The following ATP9A variants were observed in gnomAD, a reference collection of about 807,000 sequenced individuals.
ATP9A encodes probable phospholipid-transporting ATPase IIA.
ATP9A carries 52 observed loss-of-function variants against 144.1 expected under a neutral mutation model. The observed-to-expected ratio is 0.36, with a 90% CI of 0.29 to 0.45. The LOEUF (loss-of-function observed/expected upper bound fraction) is 0.45. ATP9A is among the 20% of genes least tolerant of loss of function. The pLI is 1.00. For synonymous variants in ATP9A, 582 were observed against 557.4 expected, an observed-to-expected ratio of 1.04 and a Z score of -0.62; for missense variants, 947 against 1,392.7, an observed-to-expected ratio of 0.68 and a Z score of 5.09.
intron 1 of ATP9A, chr20:51,735,131 G>A (rs2077758027): frequency 6.3e-6 from 1 of 157,696 alleles, no homozygotes; most frequent in African/African-American, 2.4e-5. Context: ...CCGTCTGCAT[G>A]GGGTTGGTAT....
At chr20:51,671,076 T>C in intron 12 of ATP9A, 39 bp downstream of exon 12, 1 of 1,599,488 alleles carries the variant, frequency 6.3e-7, no homozygotes, top group Non-Finnish European at 8.6e-7. Flanking sequence ...GCATCTTCTC[T>C]CACCAGGAAT....
rs2077575302 is a variant in ATP9A at position 51,697,435 on chromosome 20, T to C, written c.484A>G (p.Ile162Val). ...CAGATTCTGCTCACCTTTTCAACGA[T>C]GATAAGGTCTCCAACTTGGATGTTA... ...SSNIQVGDLI[I>V]VEKNQRVPAD... The change falls in exon 5 of 28, where the codon ATC (isoleucine) becomes GTC (valine). Residue 162 changes from isoleucine to valine, a missense_variant. Around this residue, in one of 2 missense-constraint regions of ATP9A, gnomAD observed 770 missense variants for 1,047.9 expected, o/e 0.73. Transcript: ENST00000338821. 1.2e-6 allele frequency: 2 copies of C among 1,613,438 alleles called. No individual in the cohort carries two copies. The highest frequency in any genetic ancestry group is 2.2e-5 in the East Asian group (1 of 44,880).
rs754086880 is a variant in ATP9A, at chr20:51,694,040, C to T, written c.610G>A (p.Val204Met). The T allele has an allele frequency of 2.2e-5, 35 of 1,613,854 alleles. No individual in the cohort carries two copies. Among genetic ancestry groups the T allele is most frequent in the African/African-American group, 2.7e-5 (2 of 74,930 alleles). The change falls in exon 7 of 28, where the codon GTG (valine) becomes ATG (methionine). Residue 204 changes from valine to methionine, a missense_variant. Around this residue, in one of 2 missense-constraint regions of ATP9A, gnomAD observed 770 missense variants for 1,047.9 expected, o/e 0.73. Coordinates refer to ENST00000338821, the MANE Select transcript of ATP9A (RefSeq NM_006045.3). ...GTGGGGAGCCTCTGCGTGCAGGCCA[C>T]GGGAAGCCGCAGCTTCCAGTCCGTC... ...GETDWKLRLP[V>M]ACTQRLPTAA...
chr20:51,656,529 G>C (rs113318552), intron 14 of ATP9A, among the ~76,000 whole-genome samples: 3,398 of 152,144 alleles, frequency 0.022, 135 homozygotes, highest in African/African-American at 0.077. Flanking sequence ...CTCCAGCCTG[G>C]GCAAAAGAGT....
intron 8 of ATP9A, among the ~76,000 whole-genome samples, chr20:51,690,139 G>C (rs80125197): frequency 1.3e-5 from 1 of 79,222 alleles, no homozygotes; most frequent in Non-Finnish European, 2.6e-5. Flanking sequence ...AAAAAAAAAA[G>C]GCCAGGCTCA....
chr20:51,704,501 C>T (rs747931185), intron 4 of ATP9A, among the ~76,000 whole-genome samples: 77 of 152,118 alleles, frequency 5.1e-4, no homozygotes, highest in Non-Finnish European at 7.4e-4. Context: ...TATATCTGGG[C>T]GGGGCACAGT....
intron 3 of ATP9A, among the ~76,000 whole-genome samples, chr20:51,724,955 G>A (rs1420066641): frequency 6.6e-6 from 1 of 152,212 alleles, no homozygotes; most frequent in East Asian, 1.9e-4. Context: ...AAGTGTTTGA[G>A]ATTGCAGATG....
At position 51,713,059 on chromosome 20, in the gene ATP9A, C is replaced by T. The variant is rs201924651; in HGVS notation, c.343G>A (p.Val115Ile). Reference protein sequence around the residue: ...YWVPLGFVLAVTVIREAVEEI... With the variant: ...YWVPLGFVLAITVIREAVEEI... ...TCCACCGCCTCACGGATGACAGTGACGGCCAGCACGAAGCCCTGCAGAGAC... is the reference window on the plus strand; with the variant it reads ...TCCACCGCCTCACGGATGACAGTGATGGCCAGCACGAAGCCCTGCAGAGAC... The change falls in exon 4 of 28, where the codon GTC becomes ATC. Residue 115 changes from valine (V) to isoleucine (I), a missense_variant. Coordinates refer to ENST00000338821, the MANE Select transcript of ATP9A (RefSeq NM_006045.3). 2.0e-5 allele frequency: 32 copies of T among 1,611,142 alleles called. No individual in the cohort carries two copies. The highest frequency in any genetic ancestry group is 2.7e-5 in the Non-Finnish European group (32 of 1,178,874).
chr20:51,680,936 C>G (rs1296623083), intron 9 of ATP9A, among the ~76,000 whole-genome samples: 2 of 152,142 alleles, frequency 1.3e-5, no homozygotes, highest in East Asian at 3.9e-4. Flanking sequence ...CTGTGCTCTC[C>G]CTCCCCTACC....
At chr20:51,657,789 G>T (rs1273664743) in intron 13 of ATP9A, among the ~76,000 whole-genome samples, 1 of 152,198 alleles carries the variant, frequency 6.6e-6, no homozygotes, top group Non-Finnish European at 1.5e-5. Flanking sequence ...AAGGCGTCAG[G>T]AACAGCCAGA....
chr20:51,644,700 A>T (rs2077334920), intron 14 of ATP9A, among the ~76,000 whole-genome samples: 1 of 152,214 alleles, frequency 6.6e-6, no homozygotes, highest in Non-Finnish European at 1.5e-5. Context: ...CAAGCTAAAA[A>T]ACCCTGACTA....
At chr20:51,603,021 G>C (rs1277200473) in intron 27 of ATP9A, among the ~76,000 whole-genome samples, 1 of 152,074 alleles carries the variant, frequency 6.6e-6, no homozygotes, top group African/African-American at 2.4e-5. Context: ...CATTGCTAGA[G>C]AGCCTGGGCC....
chr20:51,668,940 T>G (rs6013247), intron 13 of ATP9A, among the ~76,000 whole-genome samples: 37,239 of 152,224 alleles, frequency 0.24, 4,906 homozygotes, highest in Non-Finnish European at 0.28. Flanking sequence ...ATTCAGGGAT[T>G]CTGCCTTTAA....
Position 51,672,591 on chromosome 20 carries a change from A to G in ATP9A, c.1038-1334T>C, listed in dbSNP as rs572862507. Among the ~76,000 whole-genome samples, 3 of 152,280 alleles carry G rather than the reference A, an allele frequency of 2.0e-5. No homozygotes were observed. The South Asian group carries it at 6.2e-4, about 32-fold the overall frequency. ...TCCCTGTCACACTGTTTTACACAAA[A>G]CGACAATCTCTGTCCCCAGAAAAAG... is the stretch of plus-strand genomic sequence containing the variant. On this transcript the variant is annotated intron_variant, in intron 11 of 27. Transcript: ENST00000338821.
At chr20:51,679,313 C>G (rs1200942349) in intron 9 of ATP9A, among the ~76,000 whole-genome samples, 1 of 152,098 alleles carries the variant, frequency 6.6e-6, no homozygotes, top group Non-Finnish European at 1.5e-5. Context: ...GACGGAGTGA[C>G]ACTCTGTCAA....
In ATP9A at chr20:51,598,185, A is replaced by G. The variant is rs1335297324; in HGVS notation, c.*3026T>C. ...CTGGTGATTTTCTTAGAGAAAAAAA[A>G]AGAGAGACAAAAAGGAAGGGGTGGG... is the stretch of plus-strand genomic sequence containing the variant. On this transcript the variant is annotated 3_prime_UTR_variant, in exon 28 of 28. Transcript: ENST00000338821. 2.2e-5 allele frequency: 2 copies of G among 92,528 alleles called. No homozygotes were observed. Among genetic ancestry groups the G allele is most frequent in the Non-Finnish European group, 4.4e-5 (2 of 45,934 alleles). 5.7% of individuals were successfully genotyped at this position (92,528 alleles called of 1,614,324 possible). A position where few individuals can be genotyped will look rare whatever the true frequency, so the allele number is the denominator to read the frequency against.
intron 1 of ATP9A, among the ~76,000 whole-genome samples, chr20:51,742,921 G>A (rs572636953): frequency 1.5e-4 from 23 of 152,298 alleles, no homozygotes; most frequent in African/African-American, 5.1e-4. Flanking sequence ...TAAGCGTCTT[G>A]CTAAATGTCT....
rs778440862 is a variant in ATP9A, at chr20:51,642,726, C to CAAAAAAAAAAAAAAAAAAAA, written c.1507-3242_1507-3223dup. On this transcript the variant is annotated intron_variant, in intron 14 of 27. Transcript: ENST00000338821. ...GGGTGACTGAGTGAGACTCTGTCTC[C>CAAAAAAAAAAAAAAAAAAAA]AAAAAAAAAAAAAAAAAAAAAAAAA... Among the ~76,000 whole-genome samples the CAAAAAAAAAAAAAAAAAAAA allele has an allele frequency of 7.4e-4, 23 of 31,140 alleles. 2 individuals carry two copies. The highest frequency in any genetic ancestry group is 4.1e-3 in the East Asian group (3 of 726). 20.4% of individuals were successfully genotyped at this position (31,140 alleles called of 152,430 possible). A position where few individuals can be genotyped will look rare whatever the true frequency, so the allele number is the denominator to read the frequency against.
chr20:51,622,293 G>A (rs928547497), intron 18 of ATP9A, 121 bp from the exon 19 acceptor site: 9 of 752,492 alleles, frequency 1.2e-5, no homozygotes, highest in East Asian at 2.6e-5. Context: ...ACCTCCTGCC[G>A]ACTCATGCTG....
Sources: gnomAD v4.1 joint callset for allele counts (sites outside exome capture counted in the v4.1 genomes callset) on GRCh38, gnomAD v4.1.1 for gene constraint, gnomAD v4.1.1 regional missense constraint, MANE v1.5 for transcripts, NCBI Gene and HGNC (gene_info 2026-07-23, HGNC 2026-07-21) for gene names.